Variants in CBX5 observed in about 807,000 individuals in gnomAD.
The protein encoded by CBX5 is chromobox protein homolog 5.
CBX5 carries 7 observed loss-of-function variants against 20.7 expected under a neutral mutation model. The observed-to-expected ratio is 0.34, with a 90% CI of 0.19 to 0.63. CBX5 has a LOEUF of 0.63. Among genes scored for constraint, CBX5 ranks in the 30% least tolerant of loss-of-function variants. CBX5 has a pLI of 0.75. For synonymous variants in CBX5, 78 were observed against 77.0 expected (o/e 1.01, Z -0.07); for missense variants, 110 against 224.1 (o/e 0.49, Z 3.25).
rs186347027 is a variant in CBX5, at chr12:54,240,116, T to C, written c.*1639A>G. 2.6e-5 allele frequency: 4 copies of C among 152,314 alleles called. No individual in the cohort carries two copies. In the East Asian group the frequency reaches 7.7e-4, roughly 29 times the overall value. 9.4% of individuals were successfully genotyped at this position (152,314 alleles called of 1,614,324 possible). Reference sequence around the variant, plus strand: ...AGCATTTATTCTTATTTCCTCAGCTTTGGGGCTGGGACAAGGATCCTCAAA... The same window carrying C: ...AGCATTTATTCTTATTTCCTCAGCTCTGGGGCTGGGACAAGGATCCTCAAA... On this transcript the variant is annotated 3_prime_UTR_variant, in exon 5 of 5. Coordinates refer to ENST00000209875, the MANE Select transcript of CBX5 (RefSeq NM_012117.3).
At position 54,241,639 on chromosome 12, in the gene CBX5, G is replaced by GATA. The variant is rs1943677896; in HGVS notation, c.*113_*115dup. ...CAACATTTCTCCTGTGGAGCACAGTGATAAGCACATTTTTTATGGATGTGT... is the reference window on the plus strand; with the variant it reads ...CAACATTTCTCCTGTGGAGCACAGTGATAATAAGCACATTTTTTATGGATGTGT... On this transcript the variant is annotated 3_prime_UTR_variant, in exon 5 of 5. Coordinates refer to ENST00000209875, the MANE Select transcript of CBX5 (RefSeq NM_012117.3). 7 of 946,794 alleles carry GATA rather than the reference G, an allele frequency of 7.4e-6. 1 individual carries two copies. The South Asian group carries it at 1.2e-4, about 16-fold the overall frequency. 58.6% of individuals were successfully genotyped at this position (946,794 alleles called of 1,614,324 possible).
intron 1 of CBX5, among the ~76,000 whole-genome samples, chr12:54,263,912 G>C (rs972378485): frequency 1.3e-5 from 2 of 151,766 alleles, no homozygotes; most frequent in African/African-American, 4.8e-5. Context: ...ATGTGGTGGC[G>C]GGAGCCTGTA....
chr12:54,273,454 G>C (rs1166846817), intron 1 of CBX5: 1 of 151,904 alleles, frequency 6.6e-6, no homozygotes, highest in Non-Finnish European at 1.5e-5. Context: ...AAATAAACAT[G>C]AATCTACATT....
At position 54,239,201 on chromosome 12, in the gene CBX5, G is replaced by T. The variant is rs1438596603; in HGVS notation, c.*2554C>A. 6.6e-6 allele frequency: 1 copy of T among 152,180 alleles called. No individual in the cohort carries two copies. The highest frequency in any genetic ancestry group is 6.5e-5 in the Admixed American group (1 of 15,282). The allele number at this position is 152,180 out of a possible 1,614,324, so 9.4% of individuals were successfully genotyped here. ...ACAGAGTAAAGTCTATTAACAGATG[G>T]TAAGTAGTAGATGATACTGGGGTTA... is the stretch of plus-strand genomic sequence containing the variant. On this transcript the variant is annotated 3_prime_UTR_variant, in exon 5 of 5. Transcript: ENST00000209875.
intron 1 of CBX5, among the ~76,000 whole-genome samples, chr12:54,267,170 A>G (rs1011053283): frequency 1.2e-4 from 18 of 152,236 alleles, no homozygotes; most frequent in African/African-American, 3.6e-4. Context: ...TTCACAAAGA[A>G]CCTGGCAATT....
chr12:54,238,223 C>T lies in CBX5; in HGVS notation c.*3532G>A, dbSNP rs1048069941. The T allele has an allele frequency of 6.6e-6, 1 of 152,032 alleles. No individual in the cohort carries two copies. The highest frequency in any genetic ancestry group is 2.4e-5 in the African/African-American group (1 of 41,396). 9.4% of individuals were successfully genotyped at this position (152,032 alleles called of 1,614,324 possible). Reference sequence around the variant, plus strand: ...AATAAATAATAGAGGTGAATGTCTGCATTAGGATCAAGACAAGAAGAAGAC... The same window carrying T: ...AATAAATAATAGAGGTGAATGTCTGTATTAGGATCAAGACAAGAAGAAGAC... On this transcript the variant is annotated 3_prime_UTR_variant, in exon 5 of 5. Coordinates refer to ENST00000209875, the MANE Select transcript of CBX5 (RefSeq NM_012117.3).
chr12:54,279,742 C>A (rs1226708029), intron 1 of CBX5, among the ~76,000 whole-genome samples: 1 of 152,200 alleles, frequency 6.6e-6, no homozygotes, highest in African/African-American at 2.4e-5. Context: ...TCCCACATTC[C>A]GATGGCCCAA....
Position 54,237,314 on chromosome 12 carries a change from AAC to A in CBX5, c.*4439_*4440del, listed in dbSNP as rs1943633089. On this transcript the variant is annotated 3_prime_UTR_variant, in exon 5 of 5. Coordinates refer to ENST00000209875, the MANE Select transcript of CBX5 (RefSeq NM_012117.3). ...TGTAAGTGGGAAAAACAAACAAACA[AAC>A]AAAAAACCCCAGCAAATAAAGGATT... The A allele has an allele frequency of 6.6e-6, 1 of 152,204 alleles. No homozygotes were observed. Among genetic ancestry groups the A allele is most frequent in the Admixed American group, 6.5e-5 (1 of 15,286 alleles). 9.4% of individuals were successfully genotyped at this position (152,204 alleles called of 1,614,324 possible). A position where few individuals can be genotyped will look rare whatever the true frequency, so the allele number is the denominator to read the frequency against.
intron 2 of CBX5, among the ~76,000 whole-genome samples, chr12:54,253,127 T>C (rs531630527): frequency 2.0e-5 from 3 of 151,918 alleles, no homozygotes; most frequent in African/African-American, 4.8e-5. Context: ...CATAGCTCTA[T>C]AAATTTATTC....
intron 3 of CBX5, among the ~76,000 whole-genome samples, chr12:54,249,321 T>C (rs1943768632): frequency 6.7e-6 from 1 of 150,334 alleles, no homozygotes; most frequent in Admixed American, 6.7e-5. Flanking sequence ...AGTGAGATTG[T>C]GCCACTGCAC....
In CBX5 at chr12:54,241,680, G is replaced by T; in HGVS notation, c.*75C>A. 7.2e-7 allele frequency: 1 copy of T among 1,392,306 alleles called. No individual in the cohort carries two copies. Among genetic ancestry groups the T allele is most frequent in the Non-Finnish European group, 9.9e-7 (1 of 1,013,992 alleles). 86.2% of individuals were successfully genotyped at this position (1,392,306 alleles called of 1,614,324 possible). ...ATGGATGTGTTTAGGATAGAAAGGG[G>T]TGGGTAGAAAGGAGAGGAGGCAGGG... On this transcript the variant is annotated 3_prime_UTR_variant, in exon 5 of 5. Coordinates refer to ENST00000209875, the MANE Select transcript of CBX5 (RefSeq NM_012117.3).
chr12:54,246,024 G>C (rs1346757632), intron 4 of CBX5, 91 bp downstream of exon 4: 2 of 846,806 alleles, frequency 2.4e-6, no homozygotes, highest in East Asian at 4.9e-5. Flanking sequence ...TCATGGTTTG[G>C]GAATATGCAG....
chr12:54,274,908 C>G (rs562841797), intron 1 of CBX5, among the ~76,000 whole-genome samples: 2 of 152,226 alleles, frequency 1.3e-5, no homozygotes, highest in South Asian at 2.1e-4. Flanking sequence ...CCACTGCACT[C>G]TAGCCTGGGT....
chr12:54,269,658 A>G (rs1362293005), intron 1 of CBX5, among the ~76,000 whole-genome samples: 1 of 152,176 alleles, frequency 6.6e-6, no homozygotes, highest in Non-Finnish European at 1.5e-5. Flanking sequence ...AAGTGCTGGG[A>G]TTACAGGCAT....
intron 4 of CBX5, among the ~76,000 whole-genome samples, chr12:54,243,666 C>T (rs1199341300): frequency 2.6e-5 from 4 of 152,022 alleles, no homozygotes; most frequent in African/African-American, 7.2e-5. Context: ...ATCAGGAGTT[C>T]GAGACCAGCC....
chr12:54,265,133 A>G (rs1225061025), intron 1 of CBX5, among the ~76,000 whole-genome samples: 2 of 152,188 alleles, frequency 1.3e-5, no homozygotes, highest in African/African-American at 4.8e-5. Flanking sequence ...CACGATTCCC[A>G]CTTCTCCTTA....
At chr12:54,245,254 G>T (rs1197610342) in intron 4 of CBX5, among the ~76,000 whole-genome samples, 1 of 151,822 alleles carries the variant, frequency 6.6e-6, no homozygotes, top group East Asian at 1.9e-4. Flanking sequence ...CAAGAGATCC[G>T]CCTGCCTTGG....
At chr12:54,267,030 G>A (rs920641043) in intron 1 of CBX5, among the ~76,000 whole-genome samples, 5 of 152,178 alleles carry the variant, frequency 3.3e-5, no homozygotes, top group Non-Finnish European at 7.3e-5. Flanking sequence ...TCCAGATGGT[G>A]TTTTCCAACA....
rs768601889 is a variant in CBX5 at position 54,241,735 on chromosome 12, G to T, written c.*20C>A. The T allele has an allele frequency of 5.0e-6, 8 of 1,604,634 alleles. No individual in the cohort carries two copies. The highest frequency in any genetic ancestry group is 2.7e-5 in the African/African-American group (2 of 74,206). On this transcript the variant is annotated 3_prime_UTR_variant, in exon 5 of 5. Transcript: ENST00000209875. ...GAATGTATTATGTACAAAGAGAAATGACAGAGACCATCCCCTCCTTTAGCT... is the reference window on the plus strand; with the variant it reads ...GAATGTATTATGTACAAAGAGAAATTACAGAGACCATCCCCTCCTTTAGCT...
Sources: allele counts gnomAD v4.1 joint callset (sites outside exome capture counted in the v4.1 genomes callset), GRCh38; gene constraint gnomAD v4.1.1; transcripts MANE v1.5; gene names NCBI Gene and HGNC (gene_info 2026-07-23, HGNC 2026-07-21).